GOLIM4: variants seen among roughly 807,000 people sequenced by gnomAD.
The protein encoded by GOLIM4 is golgi integral membrane protein 4.
Under a neutral mutation model 107.4 loss-of-function variants are expected in GOLIM4, and 71 were observed. The ratio of observed to expected loss-of-function variants is 0.66; its 90% CI spans 0.55 to 0.81. The LOEUF (loss-of-function observed/expected upper bound fraction) is 0.81. GOLIM4 is among the 30% of genes least tolerant of loss of function. The pLI is 0.00. For missense variants in GOLIM4, 830 were observed against 826.1 expected (o/e 1.00, Z -0.06); for synonymous variants, 327 against 294.8 (o/e 1.11, Z -1.12).
chr3:168,073,312 A>G (rs1228975542), intron 1 of GOLIM4, among the ~76,000 whole-genome samples: 1 of 152,216 alleles, frequency 6.6e-6, no homozygotes, highest in African/African-American at 2.4e-5. Flanking sequence ...GTGCCTTTCT[A>G]TATAAGATAA....
chr3:168,047,133 A>C, intron 2 of GOLIM4, 134 bp from the exon 3 acceptor site: 1 of 488,156 alleles, frequency 2.0e-6, no homozygotes, highest in East Asian at 3.6e-5. Context: ...GGTGATTTAC[A>C]TACTTTATTT....
At chr3:168,088,643 G>A (rs1721746149) in intron 1 of GOLIM4, among the ~76,000 whole-genome samples, 2 of 152,156 alleles carry the variant, frequency 1.3e-5, no homozygotes, top group South Asian at 2.1e-4. Context: ...ACATAAAGAT[G>A]TGAACAAAAC....
intron 14 of GOLIM4, among the ~76,000 whole-genome samples, chr3:168,016,358 G>C (rs750952135): frequency 0.085 from 11,009 of 129,402 alleles, 1,517 homozygotes; most frequent in African/African-American, 0.24. Flanking sequence ...TCTCACACCA[G>C]TTAGAATGGC....
At chr3:168,025,222 G>A in intron 12 of GOLIM4, 127 bp from the exon 13 acceptor site, 1 of 696,260 alleles carries the variant, frequency 1.4e-6, no homozygotes, top group East Asian at 2.7e-5. Flanking sequence ...ATCTATCCTT[G>A]CCAAGACTCA....
chr3:168,032,552 C>G lies in GOLIM4; in HGVS notation c.1144G>C (p.Ala382Pro). Residue 382 changes from alanine to proline, a missense_variant, in exon 9 of 16, where the codon GCC (alanine) becomes CCC (proline). Coordinates refer to ENST00000470487, the MANE Select transcript of GOLIM4 (RefSeq NM_014498.5). ...WKEQHEQREA[A>P]NLLEGHARAE... ...CGCGCGTGCCCTTCCAGGAGGTTGG[C>G]TGCTTCTCGTTGCTCATGCTGCTCT... 1 of 1,614,106 alleles carries G rather than the reference C, an allele frequency of 6.2e-7. No homozygotes were observed. The highest frequency in any genetic ancestry group is 8.5e-7 in the Non-Finnish European group (1 of 1,180,026).
At chr3:168,041,008 A>T (rs965504444) in intron 6 of GOLIM4, 139 bp from the exon 7 acceptor site, 12 of 615,230 alleles carry the variant, frequency 2.0e-5, no homozygotes, top group Non-Finnish European at 3.5e-5. Flanking sequence ...TTTAAAAATC[A>T]TCGTAGAGAG....
At chr3:168,093,096 AAAAAG>A (rs1248361236) in intron 1 of GOLIM4, among the ~76,000 whole-genome samples, 1 of 152,230 alleles carries the variant, frequency 6.6e-6, no homozygotes, top group African/African-American at 2.4e-5. Context: ...CCACCACTAA[AAAAAG>A]AAAAGGCAAA....
intron 11 of GOLIM4, 35 bp downstream of exon 11, chr3:168,029,188 T>C: frequency 7.6e-7 from 1 of 1,309,964 alleles, no homozygotes; most frequent in Non-Finnish European, 1.1e-6. Flanking sequence ...TCAAGTAATT[T>C]ATTAAAACAT....
intron 7 of GOLIM4, among the ~76,000 whole-genome samples, chr3:168,037,392 C>A (rs7620895): frequency 0.03 from 4,543 of 152,056 alleles, 213 homozygotes; most frequent in African/African-American, 0.1. Flanking sequence ...CCAATATGAT[C>A]TGAATAAAAT....
intron 12 of GOLIM4, among the ~76,000 whole-genome samples, chr3:168,027,373 C>G (rs1243441470): frequency 6.6e-6 from 1 of 152,174 alleles, no homozygotes; most frequent in African/African-American, 2.4e-5. Flanking sequence ...TCTCCAACTT[C>G]CACACTTGCC....
At chr3:168,071,921 T>C (rs1277231494) in intron 1 of GOLIM4, among the ~76,000 whole-genome samples, 1 of 152,158 alleles carries the variant, frequency 6.6e-6, no homozygotes, top group African/African-American at 2.4e-5. Flanking sequence ...AGTTTCCCTG[T>C]TGTGAACTCC....
At position 168,037,064 on chromosome 3, in the gene GOLIM4, A is replaced by ATCTATGAATGCCCATT; in HGVS notation, c.685-71_685-70insAATGGGCATTCATAGA. ...CATTCATAGATGGGCATTTGGGTAC[A>ATCTATGAATGCCCATT]CTGTAAAACTAGACAAAAATATTGT... On this transcript the variant is annotated intron_variant, in intron 7 of 15. Coordinates refer to ENST00000470487, the MANE Select transcript of GOLIM4 (RefSeq NM_014498.5). 1.5e-4 allele frequency: 149 copies of ATCTATGAATGCCCATT among 1,004,590 alleles called. 1 individual carries two copies. Among genetic ancestry groups the ATCTATGAATGCCCATT allele is most frequent in the Non-Finnish European group, 1.7e-4 (112 of 667,238 alleles). 62.2% of individuals were successfully genotyped at this position (1,004,590 alleles called of 1,614,324 possible).
At chr3:168,022,356 CAAT>C (rs764722380) in intron 14 of GOLIM4, among the ~76,000 whole-genome samples, 13 of 151,704 alleles carry the variant, frequency 8.6e-5, no homozygotes, top group Non-Finnish European at 1.8e-4. Flanking sequence ...ACAACAACAA[CAAT>C]AATGCACAGT....
Position 168,027,730 on chromosome 3 carries a change from C to T in GOLIM4, c.1621G>A (p.Asp541Asn), listed in dbSNP as rs1025318132. 1 of 1,579,714 alleles carries T rather than the reference C, an allele frequency of 6.3e-7. No individual in the cohort carries two copies. Among genetic ancestry groups the T allele is most frequent in the Non-Finnish European group, 8.7e-7 (1 of 1,148,728 alleles). ...GGGGCAGAAGAGAGGATACTTACAT[C>T]TGCCTCAGATTCTGGGTCGGCTTCT... ...PREADPESEA[D>N]RAAVEDINPA... Residue 541 changes from aspartate (D) to asparagine (N), a missense_variant and splice_region_variant, in exon 12 of 16, where the codon GAT (aspartate) becomes AAT (asparagine). Transcript: ENST00000470487.
At chr3:168,064,987 CAA>C (rs906751118) in intron 1 of GOLIM4, among the ~76,000 whole-genome samples, 4 of 150,596 alleles carry the variant, frequency 2.7e-5, no homozygotes. Flanking sequence ...GAAAAAAAGA[CAA>C]AGAGAAACAG....
intron 14 of GOLIM4, among the ~76,000 whole-genome samples, chr3:168,012,702 T>C (rs376284469): frequency 2.0e-5 from 3 of 151,428 alleles, no homozygotes; most frequent in African/African-American, 4.9e-5. Context: ...CGGCAGAAAC[T>C]CTACAAGCCA....
chr3:168,082,392 C>T (rs1005885846), intron 1 of GOLIM4, among the ~76,000 whole-genome samples: 2 of 152,158 alleles, frequency 1.3e-5, no homozygotes, highest in Non-Finnish European at 2.9e-5. Flanking sequence ...AATATTGTTA[C>T]TGTGAGACCC....
intron 1 of GOLIM4, among the ~76,000 whole-genome samples, chr3:168,072,840 TA>T (rs1720903938): frequency 6.6e-6 from 1 of 152,110 alleles, no homozygotes; most frequent in Non-Finnish European, 1.5e-5. Flanking sequence ...GAACTTATTC[TA>T]AAGACACACT....
chr3:168,029,374 T>C, intron 10 of GOLIM4, 72 bp from the exon 11 acceptor site: 1 of 957,784 alleles, frequency 1.0e-6, no homozygotes, highest in Non-Finnish European at 1.6e-6. Context: ...AGGTCATTTA[T>C]CTTTAAAGAC....
Sources: gnomAD v4.1 joint callset for allele counts (sites outside exome capture counted in the v4.1 genomes callset) on GRCh38, gnomAD v4.1.1 for gene constraint, MANE v1.5 for transcripts, NCBI Gene and HGNC (gene_info 2026-07-23, HGNC 2026-07-21) for gene names.